The following GOLGA3 variants were observed in gnomAD, a reference collection of about 807,000 sequenced individuals.
GOLGA3 encodes the protein golgin subfamily A member 3.
GOLGA3 carries 75 observed loss-of-function variants against 169.4 expected under a neutral mutation model. The observed-to-expected ratio is 0.44, with a 90% CI of 0.37 to 0.54. GOLGA3 has a LOEUF of 0.54. GOLGA3 is among the 20% of genes least tolerant of loss of function. GOLGA3 has a pLI of 0.00. For synonymous variants in GOLGA3, 824 were observed against 822.4 expected (o/e 1.00, Z -0.03); for missense variants, 1,899 against 1,930.0 (o/e 0.98, Z 0.30).
At chr12:132,812,210 CACAT>C (rs1196750283) in intron 4 of GOLGA3, among the ~76,000 whole-genome samples, 18 of 120,348 alleles carry the variant, frequency 1.5e-4, no homozygotes, top group Middle Eastern at 7.7e-3. Context: ...CACACACACA[CACAT>C]ATATATATAT....
At chr12:132,811,434 A>C (rs1949703460) in intron 4 of GOLGA3, among the ~76,000 whole-genome samples, 1 of 151,808 alleles carries the variant, frequency 6.6e-6, no homozygotes, top group Non-Finnish European at 1.5e-5. Context: ...CTTCCCACTA[A>C]TCTTACAACT....
Position 132,772,926 on chromosome 12 carries a change from G to A in GOLGA3, c.*179C>T. The stretch of plus-strand genomic sequence containing the variant: ...GGTCATTCCATGTGAAAAGCTAATT[G>A]TGATCTTCGAATGTTTTTCTAGTCC... On this transcript the variant is annotated 3_prime_UTR_variant, in exon 24 of 24. Coordinates refer to ENST00000450791, the MANE Select transcript of GOLGA3 (RefSeq NM_001389683.1). The A allele has an allele frequency of 1.9e-6, 1 of 535,166 alleles. No homozygotes were observed. The highest frequency in any genetic ancestry group is 3.3e-6 in the Non-Finnish European group (1 of 301,152). 33.2% of individuals were successfully genotyped at this position (535,166 alleles called of 1,614,324 possible). A position where few individuals can be genotyped will look rare whatever the true frequency, so the allele number is the denominator to read the frequency against.
intron 11 of GOLGA3, among the ~76,000 whole-genome samples, chr12:132,795,531 C>T (rs1431494116): frequency 1.3e-4 from 20 of 151,744 alleles, no homozygotes; most frequent in Non-Finnish European, 2.1e-4. Context: ...GAGACCGAGG[C>T]GGGTGGATCA....
At chr12:132,780,656 C>T (rs966860081) in intron 18 of GOLGA3, 142 bp downstream of exon 18, 15 of 670,220 alleles carry the variant, frequency 2.2e-5, no homozygotes, top group African/African-American at 1.8e-5. Context: ...AGGTGCTCTG[C>T]GGCCTCCGTC....
rs747063384 is a variant in GOLGA3 at position 132,804,882 on chromosome 12, G to A, written c.1431C>T (p.Cys477=). The A allele has an allele frequency of 1.2e-6, 2 of 1,614,120 alleles. No individual in the cohort carries two copies. Among genetic ancestry groups the A allele is most frequent in the Non-Finnish European group, 1.7e-6 (2 of 1,180,036 alleles). ...SSEVDTLKQS[C]WDLERAMTDL... ...CAGTCATGGCTCGCTCCAGGTCCCAGCACGACTGCTTCAGGGTGTCCACCT... is the reference window on the plus strand; with the variant it reads ...CAGTCATGGCTCGCTCCAGGTCCCAACACGACTGCTTCAGGGTGTCCACCT... The change falls in exon 7 of 24, where the codon TGC becomes TGT. Residue 477 remains cysteine, a synonymous_variant. Transcript: ENST00000450791. This position sits in a 1 kb window ranked among gnomAD's most constrained non-coding sequence, Gnocchi z 4.1.
chr12:132,777,066 C>T lies in GOLGA3; in HGVS notation c.3747G>A (p.Gln1249=), dbSNP rs1204097874. 3 of 1,598,652 alleles carry T rather than the reference C, an allele frequency of 1.9e-6. No individual in the cohort carries two copies. In the Admixed American group the frequency reaches 5.4e-5, roughly 29 times the overall value. ...DLQIREGKHS[Q]EIAQFQAELA... The stretch of plus-strand genomic sequence containing the variant: ...GCTCTGCTTGGAACTGTGCTATCTC[C>T]TGGGAATGTTTCCCCTCCCGAATCC... The change falls in exon 20 of 24, where the codon CAG becomes CAA. Residue 1249 remains glutamine (Q), a synonymous_variant. Transcript: ENST00000450791. The surrounding 1 kb of genome is among the most constrained non-coding windows in gnomAD (Gnocchi z 4.7).
intron 1 of GOLGA3, chr12:132,826,011 A>G (rs1339608801): frequency 1.7e-6 from 2 of 1,159,360 alleles, no homozygotes; most frequent in Non-Finnish European, 2.6e-6. Context: ...CACTTCGAGA[A>G]GCACCACAAG....
intron 11 of GOLGA3, among the ~76,000 whole-genome samples, chr12:132,792,420 A>T (rs1452872836): frequency 6.6e-6 from 1 of 152,222 alleles, no homozygotes; most frequent in Non-Finnish European, 1.5e-5. Context: ...GTGACAGTTT[A>T]CAGAACCCGG....
Position 132,822,114 on chromosome 12 carries a change from C to G in GOLGA3, c.15G>C (p.Ser5=), listed in dbSNP as rs149388493. 1.9e-6 allele frequency: 3 copies of G among 1,605,860 alleles called. No individual in the cohort carries two copies. Among genetic ancestry groups the G allele is most frequent in the South Asian group, 1.1e-5 (1 of 90,370 alleles). Residue 5 remains serine (S), a synonymous_variant, in exon 2 of 24, where the codon TCG becomes TCC. Coordinates refer to ENST00000450791, the MANE Select transcript of GOLGA3 (RefSeq NM_001389683.1). MDGA[S]AEQDGLQEDR... is the part of the protein sequence containing the mutation. ...CCTCCTGGAGGCCATCTTGCTCGGC[C>G]GACGCGCCGTCCATGGTCAGGACGA...
intron 21 of GOLGA3, 84 bp from the exon 22 acceptor site, chr12:132,775,389 A>G: frequency 1.6e-6 from 2 of 1,216,264 alleles, no homozygotes; most frequent in Non-Finnish European, 2.3e-6. Flanking sequence ...TCATAGGTTA[A>G]GCACACACAT....
intron 15 of GOLGA3, among the ~76,000 whole-genome samples, chr12:132,784,770 CCCA>C (rs1322145824): frequency 6.3e-5 from 9 of 142,688 alleles, no homozygotes; most frequent in Admixed American, 3.6e-4. Flanking sequence ...GTGTTCACAC[CCCA>C]CACCACACAT....
chr12:132,826,060 C>T lies in GOLGA3; in HGVS notation c.-184+2743G>A, dbSNP rs151287594. The T allele has an allele frequency of 1.1e-4, 150 of 1,388,356 alleles. 2 individuals carry two copies. The East Asian group carries it at 2.8e-3, about 26-fold the overall frequency. The allele number at this position is 1,388,356 out of a possible 1,614,324, so 86.0% of individuals were successfully genotyped here. A position where few individuals can be genotyped will look rare whatever the true frequency, so the allele number is the denominator to read the frequency against. ...ACCTGTTCCCCTGCTTCAGGGACGT[C>T]CAGATCGGTGACATCGTCACAGTGG... On this transcript the variant is annotated intron_variant, in intron 1 of 23. Coordinates refer to ENST00000450791, the MANE Select transcript of GOLGA3 (RefSeq NM_001389683.1).
chr12:132,786,304 G>T, intron 15 of GOLGA3, 35 bp downstream of exon 15: 1 of 1,436,010 alleles, frequency 7.0e-7, no homozygotes, highest in Non-Finnish European at 9.6e-7. Context: ...TGAGGGGCTG[G>T]TGACCCTGGC....
chr12:132,803,771 C>T (rs151153861), intron 7 of GOLGA3, among the ~76,000 whole-genome samples: 2 of 152,264 alleles, frequency 1.3e-5, no homozygotes, highest in African/African-American at 4.8e-5. Context: ...ATAGGCGGAC[C>T]GGCTCACATG....
In GOLGA3 at chr12:132,772,334, A is replaced by G. The variant is rs1444592444; in HGVS notation, c.*771T>C. 6.6e-6 allele frequency: 1 copy of G among 152,182 alleles called. No individual in the cohort carries two copies. Among genetic ancestry groups the G allele is most frequent in the Non-Finnish European group, 1.5e-5 (1 of 68,064 alleles). 9.4% of individuals were successfully genotyped at this position (152,182 alleles called of 1,614,324 possible). On this transcript the variant is annotated 3_prime_UTR_variant, in exon 24 of 24. Coordinates refer to ENST00000450791, the MANE Select transcript of GOLGA3 (RefSeq NM_001389683.1). ...TGAGATGGGCAGATCACTTGAGGTC[A>G]GGAGATCGAGACCATCCTGGCCAAC... is the stretch of plus-strand genomic sequence containing the variant.
At chr12:132,812,521 G>A (rs2136665905) in intron 4 of GOLGA3, among the ~76,000 whole-genome samples, 1 of 152,242 alleles carries the variant, frequency 6.6e-6, no homozygotes, top group East Asian at 1.9e-4. Context: ...ATGATTCATG[G>A]GTGGAGGGGT....
chr12:132,777,648 C>T lies in GOLGA3; in HGVS notation c.3722+18G>A, dbSNP rs1046528730. 1.9e-6 allele frequency: 3 copies of T among 1,612,720 alleles called. No individual in the cohort carries two copies. Among genetic ancestry groups the T allele is most frequent in the South Asian group, 2.2e-5 (2 of 90,988 alleles). Reference sequence around the variant, plus strand: ...CAGGACAGCCATGTTTGAGGGCTGGCGGGGCCCAGGCACTCACTGAAGGTC... The same window carrying T: ...CAGGACAGCCATGTTTGAGGGCTGGTGGGGCCCAGGCACTCACTGAAGGTC... On this transcript the variant is annotated intron_variant, in intron 19 of 23. Transcript: ENST00000450791. This position sits in a 1 kb window ranked among gnomAD's most constrained non-coding sequence, Gnocchi z 4.7.
rs2045557382 is a variant in GOLGA3 at position 132,780,795 on chromosome 12, C to T, written c.3582+3G>A. On this transcript the variant is annotated splice_donor_region_variant and intron_variant, in intron 18 of 23. Coordinates refer to ENST00000450791, the MANE Select transcript of GOLGA3 (RefSeq NM_001389683.1). ...GCCCTGTGAGACGGAAGGTGGCACG[C>T]ACCTGCTCCTTGAGGCTGTTCACCT... 1.9e-6 allele frequency: 3 copies of T among 1,585,692 alleles called. No individual in the cohort carries two copies. The highest frequency in any genetic ancestry group is 2.2e-5 in the East Asian group (1 of 44,720).
chr12:132,786,452 C>G lies in GOLGA3; in HGVS notation c.3010G>C (p.Gly1004Arg). 4 of 1,613,672 alleles carry G rather than the reference C, an allele frequency of 2.5e-6. No individual in the cohort carries two copies. The highest frequency in any genetic ancestry group is 3.4e-6 in the Non-Finnish European group (4 of 1,179,930). The change falls in exon 15 of 24, where the codon GGC becomes CGC. Residue 1004 changes from glycine (G) to arginine (R), a missense_variant. Coordinates refer to ENST00000450791, the MANE Select transcript of GOLGA3 (RefSeq NM_001389683.1). ...TKHKAYENAV[G>R]ILSRRLQEAL... ...TCCTGCAGGCGGCGGCTGAGGATGCCCACGGCGTTCTCGTAGGCCTTATGT... is the reference window on the plus strand; with the variant it reads ...TCCTGCAGGCGGCGGCTGAGGATGCGCACGGCGTTCTCGTAGGCCTTATGT...
Sources: allele counts gnomAD v4.1 joint callset (sites outside exome capture counted in the v4.1 genomes callset), GRCh38; gene constraint gnomAD v4.1.1; non-coding constraint Gnocchi (gnomAD v3.1); transcripts MANE v1.5; gene names NCBI Gene and HGNC (gene_info 2026-07-23, HGNC 2026-07-21).